Variants in SPSB1 observed in about 807,000 individuals in gnomAD.
SPSB1 encodes SPRY domain-containing SOCS box protein 1.
A neutral mutation model predicts 21.2 loss-of-function variants in SPSB1; 8 were observed. That is an observed-to-expected ratio of 0.38 (90% CI 0.22 to 0.68). SPSB1 has a LOEUF of 0.68. Among genes scored for constraint, SPSB1 ranks in the 30% least tolerant of loss-of-function variants. The probability of loss-of-function intolerance (pLI) is 0.53; values close to 1 mark genes in which losing one functional copy is unlikely to be tolerated. For synonymous variants in SPSB1, 169 were observed against 161.7 expected (o/e 1.05, Z -0.34); for missense variants, 242 against 377.8 (o/e 0.64, Z 2.98).
chr1:9,308,324 G>A (rs1376610672), intron 1 of SPSB1, among the ~76,000 whole-genome samples: 1 of 152,144 alleles, frequency 6.6e-6, no homozygotes, highest in Admixed American at 6.5e-5. Flanking sequence ...GGATACCCAG[G>A]TCCTGCATAC....
rs552968560 is a variant in SPSB1 at position 9,339,766 on chromosome 1, G to C, written c.-149-15977G>C. ...TGACTGATGGCTTCTACAGGGTCTG[G>C]GCAAGGGGATCGGCAGCCTGTTTAT... is the stretch of plus-strand genomic sequence containing the variant. On this transcript the variant is annotated intron_variant, in intron 1 of 2. Coordinates refer to ENST00000328089, the MANE Select transcript of SPSB1 (RefSeq NM_025106.4). Among the ~76,000 whole-genome samples the C allele has an allele frequency of 1.1e-3, 162 of 152,260 alleles. 1 individual carries two copies. The highest frequency in any genetic ancestry group is 3.7e-3 in the African/African-American group (154 of 41,540).
At chr1:9,320,786 G>A (rs1229273311) in intron 1 of SPSB1, among the ~76,000 whole-genome samples, 1 of 152,192 alleles carries the variant, frequency 6.6e-6, no homozygotes, top group Non-Finnish European at 1.5e-5. Context: ...CGTGTTTCTT[G>A]TTTCCTCGTG....
intron 1 of SPSB1, among the ~76,000 whole-genome samples, chr1:9,315,284 T>C (rs920113442): frequency 2.0e-5 from 3 of 152,168 alleles, no homozygotes; most frequent in Admixed American, 1.3e-4. Context: ...CCGTACTGGC[T>C]CCAAGGGACA....
intron 1 of SPSB1, among the ~76,000 whole-genome samples, chr1:9,307,602 G>A (rs955579985): frequency 5.3e-5 from 8 of 152,112 alleles, no homozygotes; most frequent in African/African-American, 7.3e-5. Context: ...TAGAGGCCAC[G>A]TGAAGGTGGG....
chr1:9,367,629 C>T lies in SPSB1; in HGVS notation c.*54C>T, dbSNP rs1432610799. 29 of 1,526,880 alleles carry T rather than the reference C, an allele frequency of 1.9e-5. No homozygotes were observed. Among genetic ancestry groups the T allele is most frequent in the Middle Eastern group, 2.1e-4 (1 of 4,874 alleles). 94.6% of individuals were successfully genotyped at this position (1,526,880 alleles called of 1,614,324 possible). A position where few individuals can be genotyped will look rare whatever the true frequency, so the allele number is the denominator to read the frequency against. ...GCCACCTGGTGCCAACTCACTGAGC[C>T]GCCTGCCGCTGGGGCCGCCGCACCC... On this transcript the variant is annotated 3_prime_UTR_variant, in exon 3 of 3. Transcript: ENST00000328089. This position sits in a 1 kb window ranked among gnomAD's most constrained non-coding sequence, Gnocchi z 5.9.
At chr1:9,341,771 C>T (rs563895392) in intron 1 of SPSB1, among the ~76,000 whole-genome samples, 11 of 152,262 alleles carry the variant, frequency 7.2e-5, no homozygotes, top group East Asian at 3.9e-4. Context: ...AGCGCGATCT[C>T]GTCTCACCGC....
rs1640163170 is a variant in SPSB1, at chr1:9,346,118, C to G, written c.-149-9625C>G. On this transcript the variant is annotated intron_variant, in intron 1 of 2. Coordinates refer to ENST00000328089, the MANE Select transcript of SPSB1 (RefSeq NM_025106.4). The surrounding 1 kb of genome is among the most constrained non-coding windows in gnomAD (Gnocchi z 4.4). Reference sequence around the variant, plus strand: ...CTGAGCCAGGCTGCAGAGATTGATTCTGATAAAATAGCAGATTGCTCGGGG... The same window carrying G: ...CTGAGCCAGGCTGCAGAGATTGATTGTGATAAAATAGCAGATTGCTCGGGG... Among the ~76,000 whole-genome samples the G allele has an allele frequency of 6.6e-6, 1 of 152,230 alleles. No individual in the cohort carries two copies. The highest frequency in any genetic ancestry group is 6.5e-5 in the Admixed American group (1 of 15,290).
chr1:9,296,108 A>G (rs1341502985), intron 1 of SPSB1, among the ~76,000 whole-genome samples: 1 of 152,038 alleles, frequency 6.6e-6, no homozygotes, highest in Non-Finnish European at 1.5e-5. Flanking sequence ...GCTCTGTGCT[A>G]CAGAGTGCTT....
At chr1:9,307,068 C>T (rs925982950) in intron 1 of SPSB1, among the ~76,000 whole-genome samples, 4 of 152,020 alleles carry the variant, frequency 2.6e-5, no homozygotes, top group South Asian at 2.1e-4. Flanking sequence ...GCTGGGATTA[C>T]AGGCACGTGC....
intron 2 of SPSB1, among the ~76,000 whole-genome samples, chr1:9,361,759 CCT>C (rs1640484205): frequency 1.3e-5 from 2 of 152,364 alleles, no homozygotes; most frequent in South Asian, 4.1e-4. Context: ...CCCTCTCTCT[CCT>C]GGAGGGCAGG....
At position 9,367,507 on chromosome 1, in the gene SPSB1, G is replaced by C; in HGVS notation, c.754G>C (p.Glu252Gln). Reference protein sequence around the residue: ...RRSVRLALGRERLGEIHTLPL... With the variant: ...RRSVRLALGRQRLGEIHTLPL... The stretch of plus-strand genomic sequence containing the variant: ...CTCGGTGCGCCTGGCCCTGGGGAGG[G>C]AGCGCCTGGGGGAGATCCACACGCT... Residue 252 changes from glutamate (E) to glutamine (Q), a missense_variant, in exon 3 of 3, where the codon GAG (glutamate) becomes CAG (glutamine). Coordinates refer to ENST00000328089, the MANE Select transcript of SPSB1 (RefSeq NM_025106.4). The surrounding 1 kb of genome is among the most constrained non-coding windows in gnomAD (Gnocchi z 5.9). 6.2e-7 allele frequency: 1 copy of C among 1,612,484 alleles called. No homozygotes were observed. The highest frequency in any genetic ancestry group is 8.5e-7 in the Non-Finnish European group (1 of 1,179,530).
chr1:9,331,610 C>T (rs1390180894), intron 1 of SPSB1, among the ~76,000 whole-genome samples: 1 of 152,166 alleles, frequency 6.6e-6, no homozygotes, highest in Non-Finnish European at 1.5e-5. Flanking sequence ...GGATTACAGG[C>T]GTGAGTCACC....
chr1:9,325,993 A>T (rs928199602), intron 1 of SPSB1, among the ~76,000 whole-genome samples: 6 of 152,090 alleles, frequency 3.9e-5, no homozygotes, highest in South Asian at 2.1e-4. Flanking sequence ...GAGGTGACAG[A>T]GTGTCCTGGG....
At chr1:9,354,519 T>G (rs1640330149) in intron 1 of SPSB1, among the ~76,000 whole-genome samples, 1 of 152,048 alleles carries the variant, frequency 6.6e-6, no homozygotes, top group African/African-American at 2.4e-5. Flanking sequence ...GGCTCAAATC[T>G]TCTGCTGCCT....
intron 1 of SPSB1, among the ~76,000 whole-genome samples, chr1:9,304,382 C>G (rs543917134): frequency 6.6e-6 from 1 of 152,336 alleles, no homozygotes; most frequent in East Asian, 1.9e-4. Flanking sequence ...CTAACCCATC[C>G]TTTCTCATCT....
intron 1 of SPSB1, among the ~76,000 whole-genome samples, chr1:9,310,759 G>T (rs1157718759): frequency 6.6e-6 from 1 of 152,038 alleles, no homozygotes; most frequent in Non-Finnish European, 1.5e-5. Flanking sequence ...GCAGATGGGG[G>T]TTGGGGGAGA....
chr1:9,322,253 C>G (rs1024325202), intron 1 of SPSB1, among the ~76,000 whole-genome samples: 2 of 152,172 alleles, frequency 1.3e-5, no homozygotes, highest in Non-Finnish European at 2.9e-5. Flanking sequence ...CTCTAATCCC[C>G]ACATCATCCC....
rs1176255453 is a variant in SPSB1, at chr1:9,367,317, AT to A, written c.695-129del. ...CATGCTAAATTTAAAATGAAAAAGC[AT>A]TGCATTTTTCATTGTTTCTTTACTG... is the stretch of plus-strand genomic sequence containing the variant. On this transcript the variant is annotated intron_variant, in intron 2 of 2. Coordinates refer to ENST00000328089, the MANE Select transcript of SPSB1 (RefSeq NM_025106.4). This position sits in a 1 kb window ranked among gnomAD's most constrained non-coding sequence, Gnocchi z 5.9. 7.9e-6 allele frequency: 12 copies of A among 1,515,936 alleles called. No homozygotes were observed. Among genetic ancestry groups the A allele is most frequent in the Non-Finnish European group, 1.1e-5 (12 of 1,110,676 alleles). 93.9% of individuals were successfully genotyped at this position (1,515,936 alleles called of 1,614,324 possible).
At chr1:9,297,196 G>C (rs185575895) in intron 1 of SPSB1, among the ~76,000 whole-genome samples, 1 of 152,196 alleles carries the variant, frequency 6.6e-6, no homozygotes, top group Admixed American at 6.5e-5. Context: ...AGTTTACTGC[G>C]TAGGCGATGG....
Sources: allele counts gnomAD v4.1 joint callset (sites outside exome capture counted in the v4.1 genomes callset), GRCh38; gene constraint gnomAD v4.1.1; non-coding constraint Gnocchi (gnomAD v3.1); transcripts MANE v1.5; gene names NCBI Gene and HGNC (gene_info 2026-07-23, HGNC 2026-07-21).